RYR2: variants seen among roughly 807,000 people sequenced by gnomAD.
RYR2 encodes the protein ryanodine receptor 2.
In RYR2, 227 loss-of-function variants were observed where a neutral mutation model predicts 601.1. That is an observed-to-expected ratio of 0.38 (90% CI 0.34 to 0.42). The LOEUF (loss-of-function observed/expected upper bound fraction) is 0.42, where lower values mean the gene tolerates loss of function less well. Among genes scored for constraint, RYR2 ranks in the 10% least tolerant of loss-of-function variants. The pLI is 1.00. For synonymous variants in RYR2, 2,223 were observed against 2,175.1 expected, an observed-to-expected ratio of 1.02 and a Z score of -0.61; for missense variants, 4,646 against 6,156.5, an observed-to-expected ratio of 0.75 and a Z score of 8.21.
chr1:237,246,198 C>A (rs765266496), intron 1 of RYR2, among the ~76,000 whole-genome samples: 17 of 151,012 alleles, frequency 1.1e-4, no homozygotes, highest in Admixed American at 2.0e-4. Context: ...TGGGTTCCAG[C>A]GATTCTCCTG....
rs1032570696 is a variant in RYR2, at chr1:237,126,290, G to A, written c.48+83721G>A. On this transcript the variant is annotated intron_variant, in intron 1 of 104. Coordinates refer to ENST00000366574, the MANE Select transcript of RYR2 (RefSeq NM_001035.3). ...CAGAAAACCCTGTGGTGGCCATGGA[G>A]GTGTGCCACTCAGCTGTCCTTCCAG... is the stretch of plus-strand genomic sequence containing the variant. 3.3e-5 allele frequency among the ~76,000 whole-genome samples: 5 copies of A among 152,128 alleles called. No individual in the cohort carries two copies. The South Asian group carries it at 8.3e-4, about 25-fold the overall frequency.
intron 1 of RYR2, among the ~76,000 whole-genome samples, chr1:237,190,368 G>A (rs189245034): frequency 1.1e-4 from 17 of 152,214 alleles, no homozygotes; most frequent in East Asian, 9.7e-4. Flanking sequence ...GGTATTGAGC[G>A]TCTTTTTGTA....
At chr1:237,489,553 A>C (rs111964132) in intron 17 of RYR2, among the ~76,000 whole-genome samples, 407 of 152,304 alleles carry the variant, frequency 2.7e-3, no homozygotes, top group Non-Finnish European at 4.4e-3. Flanking sequence ...GCTACTCCAG[A>C]GGCTGAGGCA....
chr1:237,375,151 TATAAC>T (rs1329561737), intron 7 of RYR2, among the ~76,000 whole-genome samples: 9 of 152,186 alleles, frequency 5.9e-5, no homozygotes, highest in Non-Finnish European at 7.3e-5. Context: ...AGTCTGAAAA[TATAAC>T]ATACTTGATG....
At chr1:237,499,035 A>G (rs1181850233) in intron 20 of RYR2, among the ~76,000 whole-genome samples, 2 of 152,170 alleles carry the variant, frequency 1.3e-5, no homozygotes, top group African/African-American at 2.4e-5. Context: ...TCGAATTCAT[A>G]GTAACAGATA....
intron 88 of RYR2, among the ~76,000 whole-genome samples, chr1:237,779,347 T>C (rs564598433): frequency 3.0e-4 from 46 of 152,366 alleles, no homozygotes; most frequent in African/African-American, 1.0e-3. Context: ...GCTTGTTTGC[T>C]CACTGCTGTA....
chr1:237,203,396 A>G (rs1403283054), intron 1 of RYR2, among the ~76,000 whole-genome samples: 1 of 152,208 alleles, frequency 6.6e-6, no homozygotes, highest in African/African-American at 2.4e-5. Flanking sequence ...GGCTAAGTAG[A>G]GGAAATGAGT....
At chr1:237,565,627 A>T (rs113561618) in intron 27 of RYR2, among the ~76,000 whole-genome samples, 2,219 of 152,270 alleles carry the variant, frequency 0.015, 19 homozygotes, top group Non-Finnish European at 0.023. Context: ...TATAACATGA[A>T]GCAGCTCCCA....
chr1:237,216,969 C>T (rs1032891766), intron 1 of RYR2, among the ~76,000 whole-genome samples: 1 of 152,188 alleles, frequency 6.6e-6, no homozygotes, highest in Non-Finnish European at 1.5e-5. Flanking sequence ...ACTCCAGCTC[C>T]TCCAGGGTAC....
Position 237,792,085 on chromosome 1 carries a change from CT to C in RYR2, c.13564-17del. ...TCTTAGATGCAGCAAACTGACTCTA[CT>C]TTAAATGCTTTGAATCAGGTCTCCA... On this transcript the variant is annotated intron_variant, in intron 93 of 104. Coordinates refer to ENST00000366574, the MANE Select transcript of RYR2 (RefSeq NM_001035.3). 6.4e-7 allele frequency: 1 copy of C among 1,551,408 alleles called. No individual in the cohort carries two copies. Among genetic ancestry groups the C allele is most frequent in the Non-Finnish European group, 8.8e-7 (1 of 1,140,624 alleles).
chr1:237,158,123 T>C (rs535195246), intron 1 of RYR2, among the ~76,000 whole-genome samples: 1 of 152,358 alleles, frequency 6.6e-6, no homozygotes, highest in South Asian at 2.1e-4. Flanking sequence ...TTGCAAGGAT[T>C]ACAAGAGTTA....
chr1:237,047,570 C>A (rs1468079265), intron 1 of RYR2, among the ~76,000 whole-genome samples: 1 of 152,068 alleles, frequency 6.6e-6, no homozygotes. Context: ...TATCTAGCTT[C>A]TCTTCCTTCT....
chr1:237,065,867 G>A (rs546094405), intron 1 of RYR2, among the ~76,000 whole-genome samples: 2 of 152,178 alleles, frequency 1.3e-5, no homozygotes, highest in African/African-American at 4.8e-5. Flanking sequence ...AAGCAGGCAC[G>A]TCTTACATGG....
chr1:237,687,353 C>CTTTTTTTTTTTTT, intron 62 of RYR2, 102 bp from the exon 63 acceptor site: 1 of 584,798 alleles, frequency 1.7e-6, no homozygotes, highest in Non-Finnish European at 2.8e-6. Flanking sequence ...GTTTTTTTTT[C>CTTTTTTTTTTTTT]TTTTTTCTTC....
At position 237,465,368 on chromosome 1, in the gene RYR2, CTT is replaced by C. The variant is rs962182657; in HGVS notation, c.1613-3723_1613-3722del. ...TTTATTAATTTCATTAATATATAAA[CTT>C]ATATAATATTTTTGGATTTATAAGA... On this transcript the variant is annotated intron_variant, in intron 16 of 104. Coordinates refer to ENST00000366574, the MANE Select transcript of RYR2 (RefSeq NM_001035.3). Among the ~76,000 whole-genome samples, 88 of 152,024 alleles carry C rather than the reference CTT, an allele frequency of 5.8e-4. 2 individuals are homozygous for C. In the South Asian group the frequency reaches 0.013, roughly 23 times the overall value.
In RYR2 at chr1:237,660,063, T is replaced by C. The variant is rs1057520868; in HGVS notation, c.8287T>C (p.Leu2763=). 16 of 1,546,760 alleles carry C rather than the reference T, an allele frequency of 1.0e-5. No individual in the cohort carries two copies. Among genetic ancestry groups the C allele is most frequent in the African/African-American group, 4.2e-5 (3 of 72,132 alleles). Residue 2763 remains leucine, a synonymous_variant, in exon 55 of 105, where the codon TTG becomes CTG. Transcript: ENST00000366574. ...VQPLMKPYKL[L]SEKEKEIYRW... is the part of the protein sequence containing the mutation. ...GCCATTAATGAAGCCATATAAGCTA[T>C]TGTCTGAAAAGGTAAGGATTTTTTG... is the stretch of plus-strand genomic sequence containing the variant.
intron 62 of RYR2, among the ~76,000 whole-genome samples, chr1:237,681,204 T>C (rs1255042819): frequency 6.6e-6 from 1 of 152,230 alleles, no homozygotes; most frequent in Admixed American, 6.5e-5. Context: ...TCTCTAATAT[T>C]ACATTGCCCA....
At chr1:237,788,935 A>T (rs984615356) in intron 92 of RYR2, among the ~76,000 whole-genome samples, 4 of 151,732 alleles carry the variant, frequency 2.6e-5, no homozygotes, top group African/African-American at 9.7e-5. Context: ...CTTTTCCTCC[A>T]TGCTTATCTC....
intron 1 of RYR2, among the ~76,000 whole-genome samples, chr1:237,167,106 C>T (rs921421114): frequency 2.0e-5 from 3 of 152,128 alleles, no homozygotes; most frequent in Admixed American, 1.3e-4. Context: ...TTTTGAAAGC[C>T]GTGCTTTGTT....
Sources: gnomAD v4.1 joint callset for allele counts (sites outside exome capture counted in the v4.1 genomes callset) on GRCh38, gnomAD v4.1.1 for gene constraint, MANE v1.5 for transcripts, NCBI Gene and HGNC (gene_info 2026-07-23, HGNC 2026-07-21) for gene names.